Variants in GALNT1 observed in about 807,000 individuals in gnomAD.
The protein encoded by GALNT1 is polypeptide N-acetylgalactosaminyltransferase 1.
Under a neutral mutation model 65.7 loss-of-function variants are expected in GALNT1, and 17 were observed. The ratio of observed to expected loss-of-function variants is 0.26; its 90% CI spans 0.18 to 0.39. The LOEUF (loss-of-function observed/expected upper bound fraction) is 0.39. GALNT1 is among the 10% of genes least tolerant of loss of function. The pLI is 1.00. For missense variants in GALNT1, 460 were observed against 672.8 expected, an observed-to-expected ratio of 0.68 and a Z score of 3.50; for synonymous variants, 210 against 219.7, an observed-to-expected ratio of 0.96 and a Z score of 0.39.
At chr18:35,628,966 A>G (rs1437457635) in intron 1 of GALNT1, among the ~76,000 whole-genome samples, 2 of 152,266 alleles carry the variant, frequency 1.3e-5, no homozygotes, top group Non-Finnish European at 2.9e-5. Flanking sequence ...AAAGGGTATC[A>G]GTGATGGAAG....
chr18:35,623,706 A>C (rs912593299), intron 1 of GALNT1, among the ~76,000 whole-genome samples: 3 of 152,046 alleles, frequency 2.0e-5, no homozygotes, highest in Non-Finnish European at 4.4e-5. Context: ...CCATCAAGTG[A>C]ATTTCCCATT....
intron 7 of GALNT1, among the ~76,000 whole-genome samples, chr18:35,689,747 G>C (rs1170517617): frequency 6.6e-6 from 1 of 152,120 alleles, no homozygotes; most frequent in African/African-American, 2.4e-5. Context: ...AAATGCGAAA[G>C]AATTCTAAAA....
chr18:35,656,754 A>G (rs775599137), intron 2 of GALNT1, among the ~76,000 whole-genome samples: 32 of 152,324 alleles, frequency 2.1e-4, no homozygotes, highest in Middle Eastern at 3.4e-3. Context: ...GACTTCTGGA[A>G]GAATGCTTTG....
chr18:35,663,687 A>C lies in GALNT1; in HGVS notation c.199A>C (p.Ile67Leu). ...GPGEMGKPVV[I>L]PKEDQEKMKE... Reference sequence around the variant, plus strand: ...TGGAGAAATGGGGAAACCAGTCGTCATTCCTAAAGAGGATCAAGAAAAGAT... The same window carrying C: ...TGGAGAAATGGGGAAACCAGTCGTCCTTCCTAAAGAGGATCAAGAAAAGAT... Residue 67 changes from isoleucine (I) to leucine (L), a missense_variant, in exon 3 of 12, where the codon ATT (isoleucine) becomes CTT (leucine). Physicochemically the swap from Ile to Leu is conservative, Grantham distance 5. Transcript: ENST00000269195. The C allele has an allele frequency of 1.2e-6, 2 of 1,614,104 alleles. No individual in the cohort carries two copies. The highest frequency in any genetic ancestry group is 1.7e-6 in the Non-Finnish European group (2 of 1,179,968).
intron 1 of GALNT1, among the ~76,000 whole-genome samples, chr18:35,611,239 G>T (rs2046712678): frequency 6.6e-6 from 1 of 152,164 alleles, no homozygotes; most frequent in Non-Finnish European, 1.5e-5. Flanking sequence ...GGGAGCAGGG[G>T]AAGGTCCCTG....
At chr18:35,645,388 C>A (rs1035233589) in intron 1 of GALNT1, among the ~76,000 whole-genome samples, 1 of 152,012 alleles carries the variant, frequency 6.6e-6, no homozygotes, top group African/African-American at 2.4e-5. Context: ...CGCCCGCCAC[C>A]ATGCCCGGCT....
intron 5 of GALNT1, among the ~76,000 whole-genome samples, chr18:35,685,484 T>TA (rs66682919): frequency 0.16 from 21,059 of 132,164 alleles, 1,845 homozygotes; most frequent in African/African-American, 0.26. Flanking sequence ...AAGGATGGCT[T>TA]AAAAAAAAAA....
intron 11 of GALNT1, among the ~76,000 whole-genome samples, chr18:35,709,175 C>T (rs1455067213): frequency 6.6e-6 from 1 of 152,174 alleles, no homozygotes; most frequent in Non-Finnish European, 1.5e-5. Context: ...ACAGCCTTAT[C>T]ATAGAGAAAT....
At chr18:35,592,715 G>A (rs1268265572) in intron 1 of GALNT1, among the ~76,000 whole-genome samples, 1 of 152,148 alleles carries the variant, frequency 6.6e-6, no homozygotes, top group Non-Finnish European at 1.5e-5. Flanking sequence ...AGATCAGTTG[G>A]GAAGCTCTTG....
At chr18:35,618,845 T>G (rs2046817033) in intron 1 of GALNT1, among the ~76,000 whole-genome samples, 1 of 152,174 alleles carries the variant, frequency 6.6e-6, no homozygotes, top group South Asian at 2.1e-4. Context: ...AGAATGGATC[T>G]TAACTGATAG....
intron 1 of GALNT1, among the ~76,000 whole-genome samples, chr18:35,636,783 G>GT (rs58909585): frequency 0.11 from 7,033 of 64,290 alleles, 631 homozygotes; most frequent in Non-Finnish European, 0.14. Flanking sequence ...ATACTACTTT[G>GT]TTTTTTTTTT....
intron 4 of GALNT1, among the ~76,000 whole-genome samples, chr18:35,680,757 A>G (rs117129008): frequency 1.3e-5 from 2 of 152,318 alleles, no homozygotes; most frequent in East Asian, 1.9e-4. Context: ...TTAGCATGGT[A>G]GAGGAGTATC....
At chr18:35,641,917 A>G (rs1382618829) in intron 1 of GALNT1, among the ~76,000 whole-genome samples, 2 of 152,220 alleles carry the variant, frequency 1.3e-5, no homozygotes, top group East Asian at 3.8e-4. Context: ...AAAAAATAAT[A>G]TTTTGTAATT....
chr18:35,604,952 A>G (rs1339871023), intron 1 of GALNT1, among the ~76,000 whole-genome samples: 1 of 152,160 alleles, frequency 6.6e-6, no homozygotes, highest in Non-Finnish European at 1.5e-5. Flanking sequence ...CTAGACCTAA[A>G]TTTCCTGAAC....
intron 1 of GALNT1, among the ~76,000 whole-genome samples, chr18:35,639,566 G>A (rs760211364): frequency 1.3e-5 from 2 of 152,034 alleles, no homozygotes; most frequent in African/African-American, 2.4e-5. Context: ...TGCCTGTAGC[G>A]AAACTTCATT....
At chr18:35,668,269 A>T (rs920831974) in intron 3 of GALNT1, among the ~76,000 whole-genome samples, 1 of 152,282 alleles carries the variant, frequency 6.6e-6, no homozygotes, top group Non-Finnish European at 1.5e-5. Context: ...AAAAATGATT[A>T]AAAAATGATA....
intron 1 of GALNT1, among the ~76,000 whole-genome samples, chr18:35,620,781 CTT>C (rs75570628): frequency 1.4e-5 from 2 of 142,094 alleles, no homozygotes; most frequent in Non-Finnish European, 1.5e-5. Context: ...TAGGTTGTTA[CTT>C]TTTTTTTTTT....
At chr18:35,623,097 A>T (rs1423132611) in intron 1 of GALNT1, among the ~76,000 whole-genome samples, 6 of 152,172 alleles carry the variant, frequency 3.9e-5, no homozygotes, top group African/African-American at 1.4e-4. Context: ...TAAGAAATTA[A>T]GAGGGAAGAA....
chr18:35,609,979 C>T (rs936222579), intron 1 of GALNT1, among the ~76,000 whole-genome samples: 4 of 152,240 alleles, frequency 2.6e-5, no homozygotes, highest in African/African-American at 9.6e-5. Context: ...GAACACAGAT[C>T]ATTTCAATTT....
Sources: allele counts gnomAD v4.1 joint callset (sites outside exome capture counted in the v4.1 genomes callset), GRCh38; gene constraint gnomAD v4.1.1; transcripts MANE v1.5; gene names NCBI Gene and HGNC (gene_info 2026-07-23, HGNC 2026-07-21).